The following CCDC85C variants were observed in gnomAD, a reference collection of about 807,000 sequenced individuals.
The protein encoded by CCDC85C is coiled-coil domain containing 85C, also known as coiled-coil domain-containing protein 85C.
In CCDC85C, 18 loss-of-function variants were observed where a neutral mutation model predicts 38.3. The observed-to-expected ratio is 0.47, with a 90% confidence interval of 0.33 to 0.70. The LOEUF (loss-of-function observed/expected upper bound fraction) is 0.70. Among genes scored for constraint, CCDC85C ranks in the 30% least tolerant of loss-of-function variants. The pLI, the probability that CCDC85C is intolerant of heterozygous loss-of-function variation, is 0.03. For missense variants in CCDC85C, 566 were observed against 621.2 expected (o/e 0.91, Z 0.94); for synonymous variants, 264 against 293.8 (o/e 0.90, Z 1.04).
At position 99,603,108 on chromosome 14, in the gene CCDC85C, G is replaced by C; in HGVS notation, c.793+59C>G. 1 of 1,280,518 alleles carries C rather than the reference G, an allele frequency of 7.8e-7. No homozygotes were observed. The highest frequency in any genetic ancestry group is 9.9e-7 in the Non-Finnish European group (1 of 1,012,988). The allele number at this position is 1,280,518 out of a possible 1,614,324, so 79.3% of individuals were successfully genotyped here. ...CCAGGGACCACCTCCTCTCGCCGCA[G>C]CCTGGGAAAAGGGCTGCAGCCAGGG... On this transcript the variant is annotated intron_variant, in intron 1 of 5. Transcript: ENST00000380243. This position sits in a 1 kb window ranked among gnomAD's most constrained non-coding sequence, Gnocchi z 7.5.
intron 1 of CCDC85C, among the ~76,000 whole-genome samples, chr14:99,602,575 C>T (rs558475364): frequency 6.6e-6 from 1 of 152,268 alleles, no homozygotes; most frequent in South Asian, 2.1e-4. Flanking sequence ...TGAGAAAGGT[C>T]CCAGGACTAG....
In CCDC85C at chr14:99,508,254, C is replaced by T. The variant is rs916608834; in HGVS notation, c.*6992G>A. 3.9e-5 allele frequency: 6 copies of T among 152,268 alleles called. No homozygotes were observed. The highest frequency in any genetic ancestry group is 1.4e-4 in the African/African-American group (6 of 41,468). 9.4% of individuals were successfully genotyped at this position (152,268 alleles called of 1,614,324 possible). On this transcript the variant is annotated 3_prime_UTR_variant, in exon 6 of 6. Coordinates refer to ENST00000380243, the MANE Select transcript of CCDC85C (RefSeq NM_001144995.2). ...ATTCAATATGAACCTTACTTAAATG[C>T]CTGTGGTTGCTCATGAAGCATTTAT...
rs138910374 is a variant in CCDC85C at position 99,584,803 on chromosome 14, T to C, written c.793+18364A>G. 1.1e-3 allele frequency among the ~76,000 whole-genome samples: 173 copies of C among 152,326 alleles called. 1 individual carries two copies. The highest frequency in any genetic ancestry group is 3.8e-3 in the African/African-American group (159 of 41,576). On this transcript the variant is annotated intron_variant, in intron 1 of 5. Coordinates refer to ENST00000380243, the MANE Select transcript of CCDC85C (RefSeq NM_001144995.2). ...GAAAAATCACACTCCAAATAAGAAC[T>C]GCCTTGGGGCTGGGCGCAGTGGACG...
rs941543 is a variant in CCDC85C, at chr14:99,548,101, G to C, written c.794-12013C>G. 6.6e-6 allele frequency among the ~76,000 whole-genome samples: 1 copy of C among 151,894 alleles called. No homozygotes were observed. The highest frequency in any genetic ancestry group is 1.5e-5 in the Non-Finnish European group (1 of 67,986). Reference sequence around the variant, plus strand: ...TGAAACCCGACTATATGAGGATTACGAACGCTGCCAGAGAGTGGCTAGGTG... The same window carrying C: ...TGAAACCCGACTATATGAGGATTACCAACGCTGCCAGAGAGTGGCTAGGTG... On this transcript the variant is annotated intron_variant, in intron 1 of 5. Coordinates refer to ENST00000380243, the MANE Select transcript of CCDC85C (RefSeq NM_001144995.2). The surrounding 1 kb of genome is among the most constrained non-coding windows in gnomAD (Gnocchi z 4.9).
rs1896803353 is a variant in CCDC85C at position 99,500,714 on chromosome 14, C to A, written c.*14532G>T. On this transcript the variant is annotated 3_prime_UTR_variant, in exon 6 of 6. Transcript: ENST00000380243. The stretch of plus-strand genomic sequence containing the variant: ...AGGAAAGCTCACTTTTGTAATGCTG[C>A]TTGAGACCTGCAATTGTAATTACTG... 8.5e-7 allele frequency: 1 copy of A among 1,173,228 alleles called. No individual in the cohort carries two copies. The highest frequency in any genetic ancestry group is 2.0e-5 in the Admixed American group (1 of 50,168). 72.7% of individuals were successfully genotyped at this position (1,173,228 alleles called of 1,614,324 possible).
intron 1 of CCDC85C, among the ~76,000 whole-genome samples, chr14:99,565,773 C>T (rs1309412837): frequency 1.3e-5 from 2 of 152,142 alleles, no homozygotes; most frequent in South Asian, 2.1e-4. Context: ...GTGGACACCC[C>T]AACCCAAGCA....
chr14:99,587,288 ACCTTCCCCAACAT>A (rs2139982618), intron 1 of CCDC85C, among the ~76,000 whole-genome samples: 1 of 152,272 alleles, frequency 6.6e-6, no homozygotes, highest in African/African-American at 2.4e-5. Flanking sequence ...TCCCTCCAAG[ACCTTCCCCAACAT>A]CCTTGCAGGG....
At position 99,502,815 on chromosome 14, in the gene CCDC85C, C is replaced by T; in HGVS notation, c.*12431G>A. ...CTGCAACAGCCCCCATCTCTTCAGC[C>T]TACACCACAAGTGCCGCAAGTACAG... On this transcript the variant is annotated 3_prime_UTR_variant, in exon 6 of 6. Coordinates refer to ENST00000380243, the MANE Select transcript of CCDC85C (RefSeq NM_001144995.2). 1 of 1,613,868 alleles carries T rather than the reference C, an allele frequency of 6.2e-7. No individual in the cohort carries two copies. Among genetic ancestry groups the T allele is most frequent in the Admixed American group, 1.7e-5 (1 of 60,008 alleles).
rs1898359010 is a variant in CCDC85C at position 99,572,083 on chromosome 14, G to A, written c.793+31084C>T. Among the ~76,000 whole-genome samples the A allele has an allele frequency of 6.6e-6, 1 of 152,150 alleles. No homozygotes were observed. The highest frequency in any genetic ancestry group is 1.5e-5 in the Non-Finnish European group (1 of 68,022). ...CCCCAGAGCCCCCAACCCTAACCCAGCACCCGCAAGTCTCTGGAAGGCAGC... is the reference window on the plus strand; with the variant it reads ...CCCCAGAGCCCCCAACCCTAACCCAACACCCGCAAGTCTCTGGAAGGCAGC... On this transcript the variant is annotated intron_variant, in intron 1 of 5. Coordinates refer to ENST00000380243, the MANE Select transcript of CCDC85C (RefSeq NM_001144995.2). This position sits in a 1 kb window ranked among gnomAD's most constrained non-coding sequence, Gnocchi z 4.4.
intron 2 of CCDC85C, among the ~76,000 whole-genome samples, chr14:99,530,153 G>T (rs1242730907): frequency 6.6e-6 from 1 of 152,210 alleles, no homozygotes; most frequent in Non-Finnish European, 1.5e-5. Context: ...TACACTGCTG[G>T]TGCTAGGGCA....
intron 3 of CCDC85C, among the ~76,000 whole-genome samples, chr14:99,518,108 C>T (rs1595336916): frequency 6.6e-6 from 1 of 152,174 alleles, no homozygotes; most frequent in Non-Finnish European, 1.5e-5. Flanking sequence ...TCCCAACGGC[C>T]TGGCAAGCTC....
chr14:99,526,834 G>A (rs1429062386), intron 2 of CCDC85C, among the ~76,000 whole-genome samples: 2 of 152,216 alleles, frequency 1.3e-5, no homozygotes, highest in South Asian at 2.1e-4. Context: ...GGACCCACCT[G>A]GAAGCAGAGG....
In CCDC85C at chr14:99,517,185, T is replaced by C; in HGVS notation, c.976-2A>G. The C allele has an allele frequency of 6.5e-7, 1 of 1,538,948 alleles. No individual in the cohort carries two copies. The highest frequency in any genetic ancestry group is 8.8e-7 in the Non-Finnish European group (1 of 1,140,856). ...CTCAGGTGCGGGGCAGGCCGGGCCC[T>C]GGGGAAGGCAATCACACATCTCAGC... On this transcript the variant is annotated splice_acceptor_variant, in intron 3 of 5. Transcript: ENST00000380243. LOFTEE classifies it high-confidence loss of function.
intron 1 of CCDC85C, among the ~76,000 whole-genome samples, chr14:99,580,547 A>C (rs1413931634): frequency 6.6e-6 from 1 of 150,992 alleles, no homozygotes; most frequent in Non-Finnish European, 1.5e-5. Context: ...AGGTATGAAA[A>C]CGCCTGGCTA....
intron 2 of CCDC85C, among the ~76,000 whole-genome samples, chr14:99,529,437 C>G (rs1897451189): frequency 6.6e-6 from 1 of 152,132 alleles, no homozygotes; most frequent in Admixed American, 6.6e-5. Context: ...AAGTTTCACT[C>G]TGTCACCCAG....
At position 99,506,990 on chromosome 14, in the gene CCDC85C, A is replaced by T; in HGVS notation, c.*8256T>A. On this transcript the variant is annotated 3_prime_UTR_variant, in exon 6 of 6. Coordinates refer to ENST00000380243, the MANE Select transcript of CCDC85C (RefSeq NM_001144995.2). ...ATCTCTGTTGTTTTTCTCCCAAAGA[A>T]ATCTCTGCCAGTACATTTTTCTTTA... 1 of 860,926 alleles carries T rather than the reference A, an allele frequency of 1.2e-6. No homozygotes were observed. The highest frequency in any genetic ancestry group is 2.0e-6 in the Non-Finnish European group (1 of 493,926). 53.3% of individuals were successfully genotyped at this position (860,926 alleles called of 1,614,324 possible).
At chr14:99,567,846 A>G (rs754939599) in intron 1 of CCDC85C, among the ~76,000 whole-genome samples, 4 of 152,210 alleles carry the variant, frequency 2.6e-5, no homozygotes, top group African/African-American at 9.6e-5. Flanking sequence ...AAAACAAAAA[A>G]GAAATGCACA....
rs1897573995 is a variant in CCDC85C, at chr14:99,535,330, G to A, written c.867+685C>T. 6.6e-6 allele frequency among the ~76,000 whole-genome samples: 1 copy of A among 152,192 alleles called. No individual in the cohort carries two copies. Among genetic ancestry groups the A allele is most frequent in the Non-Finnish European group, 1.5e-5 (1 of 68,014 alleles). ...AGGCTTGGGGGAGCGAGCGGCTTGA[G>A]AGGTCGCCAAGCCAGCTGGCCCCCA... is the stretch of plus-strand genomic sequence containing the variant. On this transcript the variant is annotated intron_variant, in intron 2 of 5. Transcript: ENST00000380243. This position sits in a 1 kb window ranked among gnomAD's most constrained non-coding sequence, Gnocchi z 5.5.
chr14:99,555,137 G>A (rs980108612), intron 1 of CCDC85C, among the ~76,000 whole-genome samples: 4 of 152,210 alleles, frequency 2.6e-5, no homozygotes, highest in Admixed American at 2.0e-4. Flanking sequence ...TGAGGCGGGC[G>A]GGACAGGGAG....
Sources: gnomAD v4.1 joint callset for allele counts (sites outside exome capture counted in the v4.1 genomes callset) on GRCh38, gnomAD v4.1.1 for gene constraint, Gnocchi (gnomAD v3.1) non-coding constraint, MANE v1.5 for transcripts, NCBI Gene and HGNC (gene_info 2026-07-23, HGNC 2026-07-21) for gene names.